MED13L: variants seen among roughly 807,000 people sequenced by gnomAD.
MED13L encodes the protein mediator complex subunit 13L.
A neutral mutation model predicts 220.9 loss-of-function variants in MED13L; 7 were observed. That is an observed-to-expected ratio of 0.03 (90% CI 0.02 to 0.06). The LOEUF is 0.06. Among genes scored for constraint, MED13L ranks in the 10% least tolerant of loss-of-function variants. The pLI is 1.00. For missense variants in MED13L, 1,965 were observed against 2,760.5 expected, an observed-to-expected ratio of 0.71 and a Z score of 6.46; for synonymous variants, 1,011 against 1,015.2, an observed-to-expected ratio of 1.00 and a Z score of 0.08.
chr12:116,044,520 G>A (rs893224851), intron 4 of MED13L, among the ~76,000 whole-genome samples: 3 of 152,122 alleles, frequency 2.0e-5, no homozygotes, highest in Non-Finnish European at 4.4e-5. Flanking sequence ...TACTATAGGT[G>A]GAAATCCTAA....
chr12:115,969,080 G>A lies in MED13L; in HGVS notation c.6085C>T (p.Leu2029Phe). The change falls in exon 28 of 31, where the codon CTT (leucine) becomes TTT (phenylalanine). Residue 2029 changes from leucine (L) to phenylalanine (F), a missense_variant. Coordinates refer to ENST00000281928, the MANE Select transcript of MED13L (RefSeq NM_015335.5). ...SPNNDDMFVD[L>F]PFPDDMDNDI... Reference sequence around the variant, plus strand: ...TTGTCCATATCATCTGGGAATGGAAGGTCAACAAACATATCATCTAGAGGG... The same window carrying A: ...TTGTCCATATCATCTGGGAATGGAAAGTCAACAAACATATCATCTAGAGGG... 6.2e-7 allele frequency: 1 copy of A among 1,613,678 alleles called. No homozygotes were observed. The highest frequency in any genetic ancestry group is 8.5e-7 in the Non-Finnish European group (1 of 1,179,850).
chr12:116,238,211 G>C (rs1870283153), intron 1 of MED13L, among the ~76,000 whole-genome samples: 1 of 152,186 alleles, frequency 6.6e-6, no homozygotes, highest in Non-Finnish European at 1.5e-5. Flanking sequence ...AATGCCAAAA[G>C]TCTATTTAGG....
chr12:116,089,426 T>C (rs999377585), intron 4 of MED13L, among the ~76,000 whole-genome samples: 1 of 152,172 alleles, frequency 6.6e-6, no homozygotes, highest in Non-Finnish European at 1.5e-5. Flanking sequence ...GATGATATCA[T>C]CTAAACATTT....
At chr12:115,977,666 C>T (rs1388068597) in intron 23 of MED13L, among the ~76,000 whole-genome samples, 4 of 152,140 alleles carry the variant, frequency 2.6e-5, no homozygotes, top group African/African-American at 9.7e-5. Context: ...GGATGAACCT[C>T]AAAATCATTA....
intron 19 of MED13L, 118 bp from the exon 20 acceptor site, chr12:115,984,490 G>C (rs1409185567): frequency 3.6e-6 from 4 of 1,124,204 alleles, no homozygotes; most frequent in Non-Finnish European, 5.1e-6. Flanking sequence ...TTTCTTTTAG[G>C]GTTATCACAT....
At chr12:116,015,332 A>G (rs1879662800) in intron 7 of MED13L, 58 bp from the exon 8 acceptor site, 1 of 1,542,276 alleles carries the variant, frequency 6.5e-7, no homozygotes, top group South Asian at 1.1e-5. Flanking sequence ...CCTACTTCAT[A>G]GACTGCTATC....
rs906605255 is a variant in MED13L, at chr12:116,019,650, T to C, written c.820+128A>G. 6.3e-5 allele frequency: 76 copies of C among 1,199,498 alleles called. 1 individual carries two copies. Among genetic ancestry groups the C allele is most frequent in the South Asian group, 5.8e-4 (45 of 77,582 alleles). 74.3% of individuals were successfully genotyped at this position (1,199,498 alleles called of 1,614,324 possible). ...CAAGATAACTACTCAGTACATACCATTGTGTCAAGAGAATTTCTTTAAAAA... is the reference window on the plus strand; with the variant it reads ...CAAGATAACTACTCAGTACATACCACTGTGTCAAGAGAATTTCTTTAAAAA... On this transcript the variant is annotated intron_variant, in intron 6 of 30. Transcript: ENST00000281928.
Position 115,976,040 on chromosome 12 carries a change from C to A in MED13L, c.5365-302G>T, listed in dbSNP as rs1325907959. 2.0e-5 allele frequency among the ~76,000 whole-genome samples: 3 copies of A among 152,066 alleles called. No individual in the cohort carries two copies. In the East Asian group the frequency reaches 5.8e-4, roughly 29 times the overall value. Reference sequence around the variant, plus strand: ...TTAGGCAAGTGGGAAATTGAAACTACAATGAGATAATGCTACACAACCACC... The same window carrying A: ...TTAGGCAAGTGGGAAATTGAAACTAAAATGAGATAATGCTACACAACCACC... On this transcript the variant is annotated intron_variant, in intron 23 of 30. Transcript: ENST00000281928.
chr12:115,983,414 G>A lies in MED13L; in HGVS notation c.4658C>T (p.Ser1553Leu), dbSNP rs1474609842. The change falls in exon 21 of 31, where the codon TCA becomes TTA. Residue 1553 changes from serine to leucine, a missense_variant. By Grantham distance (145) the Ser-to-Leu change is moderately radical. Around this residue, in one of 10 missense-constraint regions of MED13L, gnomAD observed 510 missense variants for 620.4 expected, o/e 0.82. Coordinates refer to ENST00000281928, the MANE Select transcript of MED13L (RefSeq NM_015335.5). ...TGCACTGCCAGCTGGGGGAGCTGCT[G>A]ATCCATTTGGAGCTAAGGGCCCAGC... is the stretch of plus-strand genomic sequence containing the variant. ...GNAGPLAPNG[S>L]AAPPAGSAFN... The A allele has an allele frequency of 2.5e-6, 4 of 1,614,104 alleles. No homozygotes were observed. Among genetic ancestry groups the A allele is most frequent in the East Asian group, 2.2e-5 (1 of 44,892 alleles).
intron 1 of MED13L, among the ~76,000 whole-genome samples, chr12:116,267,894 T>C (rs1318244602): frequency 6.6e-6 from 1 of 152,228 alleles, no homozygotes; most frequent in African/African-American, 2.4e-5. Flanking sequence ...TGGAATTGTC[T>C]TTAATAAGGA....
At chr12:116,019,514 TACTGCCAAAAGTG>T (rs1270351717) in intron 6 of MED13L, 102 bp from the exon 7 acceptor site, 2 of 1,352,240 alleles carry the variant, frequency 1.5e-6, no homozygotes, top group East Asian at 2.4e-5. Context: ...GCTCATGAAG[TACTGCCAAAAGTG>T]ATAGGCTCCA....
At chr12:115,974,807 T>C (rs1300006551) in intron 25 of MED13L, among the ~76,000 whole-genome samples, 3 of 152,226 alleles carry the variant, frequency 2.0e-5, no homozygotes, top group Non-Finnish European at 4.4e-5. Flanking sequence ...GCTGTTTTTA[T>C]ATGACTTCAA....
At chr12:116,195,758 A>G (rs1881584955) in intron 2 of MED13L, among the ~76,000 whole-genome samples, 1 of 152,118 alleles carries the variant, frequency 6.6e-6, no homozygotes, top group Non-Finnish European at 1.5e-5. Context: ...TCTTTATAAA[A>G]GAGTAAAATT....
intron 13 of MED13L, among the ~76,000 whole-genome samples, chr12:116,005,653 A>G (rs1406286766): frequency 6.6e-6 from 1 of 152,218 alleles, no homozygotes; most frequent in Non-Finnish European, 1.5e-5. Flanking sequence ...AGGTGGATAC[A>G]CTACACTAAT....
intron 1 of MED13L, among the ~76,000 whole-genome samples, chr12:116,238,176 T>C (rs1051166763): frequency 6.6e-6 from 1 of 152,210 alleles, no homozygotes; most frequent in Admixed American, 6.5e-5. Context: ...GCAGTTAGCA[T>C]GAAGTACGAG....
intron 4 of MED13L, among the ~76,000 whole-genome samples, chr12:116,060,579 G>GAA (rs201867322): frequency 2.9e-4 from 26 of 89,126 alleles, no homozygotes; most frequent in Non-Finnish European, 3.4e-4. Flanking sequence ...GACTCCAAGG[G>GAA]AAAAAAAAAA....
intron 4 of MED13L, among the ~76,000 whole-genome samples, chr12:116,076,218 G>A (rs1468554229): frequency 6.6e-6 from 1 of 152,118 alleles, no homozygotes; most frequent in Non-Finnish European, 1.5e-5. Context: ...TCCTTGGCAG[G>A]GGACACAATA....
intron 4 of MED13L, among the ~76,000 whole-genome samples, chr12:116,075,935 A>G (rs1870757381): frequency 7.5e-6 from 1 of 133,256 alleles, no homozygotes. Context: ...TTTTTTTGAG[A>G]CGGAGTCTCG....
At chr12:116,190,657 C>T (rs1429294921) in intron 2 of MED13L, among the ~76,000 whole-genome samples, 1 of 152,152 alleles carries the variant, frequency 6.6e-6, no homozygotes, top group Non-Finnish European at 1.5e-5. Flanking sequence ...GCATTTCATG[C>T]TTTTAAAGGT....
Sources: allele counts gnomAD v4.1 joint callset (sites outside exome capture counted in the v4.1 genomes callset), GRCh38; gene constraint gnomAD v4.1.1; regional missense constraint gnomAD v4.1.1; transcripts MANE v1.5; gene names NCBI Gene and HGNC (gene_info 2026-07-23, HGNC 2026-07-21).